Variants in PTPRN2 observed in about 807,000 individuals in gnomAD.
PTPRN2 encodes receptor-type tyrosine-protein phosphatase N2.
In PTPRN2, 74 loss-of-function variants were observed where a neutral mutation model predicts 118.8. That is an observed-to-expected ratio of 0.62 (90% CI 0.52 to 0.76). The LOEUF is 0.76. PTPRN2 is among the 30% of genes least tolerant of loss of function. The pLI is 0.00. For synonymous variants in PTPRN2, 641 were observed against 608.0 expected, an observed-to-expected ratio of 1.05 and a Z score of -0.80; for missense variants, 1,481 against 1,394.4, an observed-to-expected ratio of 1.06 and a Z score of -0.99.
chr7:158,158,589 T>G lies in PTPRN2; in HGVS notation c.910+8342A>C, dbSNP rs5022126. Among the ~76,000 whole-genome samples, 343 of 132,274 alleles carry G rather than the reference T, an allele frequency of 2.6e-3. 66 individuals are homozygous for G. The highest frequency in any genetic ancestry group is 3.1e-3 in the African/African-American group (108 of 34,926). The allele number at this position is 132,274 out of a possible 152,430, so 86.8% of individuals were successfully genotyped here. A position where few individuals can be genotyped will look rare whatever the true frequency, so the allele number is the denominator to read the frequency against. ...GTGTGATTGGCCGGGACTTCGCAAG[T>G]GCTTTCTGAATGAATGAGTGAACTC... On this transcript the variant is annotated intron_variant, in intron 6 of 22. Coordinates refer to ENST00000389418, the MANE Select transcript of PTPRN2 (RefSeq NM_002847.5).
intron 16 of PTPRN2, among the ~76,000 whole-genome samples, chr7:157,602,488 A>G (rs1426533137): frequency 1.3e-5 from 2 of 151,330 alleles, no homozygotes; most frequent in African/African-American, 4.9e-5. Flanking sequence ...GTCTGCCATC[A>G]GTGGCCGCCG....
chr7:158,244,905 G>A (rs1428303814), intron 3 of PTPRN2, among the ~76,000 whole-genome samples: 1 of 152,182 alleles, frequency 6.6e-6, no homozygotes, highest in Non-Finnish European at 1.5e-5. Context: ...GTGTCTCCCA[G>A]TGTGACAGAG....
intron 11 of PTPRN2, among the ~76,000 whole-genome samples, chr7:157,966,468 T>C (rs1801937577): frequency 6.6e-6 from 1 of 152,080 alleles, no homozygotes; most frequent in Non-Finnish European, 1.5e-5. Context: ...ATCACCATCA[T>C]CATCTTTATC....
chr7:158,235,805 T>C (rs1220749532), intron 3 of PTPRN2, among the ~76,000 whole-genome samples: 2 of 152,192 alleles, frequency 1.3e-5, no homozygotes, highest in African/African-American at 4.8e-5. Context: ...CCTGATTTGA[T>C]CTTTACAAAT....
intron 6 of PTPRN2, among the ~76,000 whole-genome samples, chr7:158,155,242 G>A (rs1247517243): frequency 1.3e-5 from 2 of 152,108 alleles, no homozygotes; most frequent in African/African-American, 4.8e-5. Context: ...GTCATTGTAG[G>A]GCCTTCCAAA....
intron 12 of PTPRN2, among the ~76,000 whole-genome samples, chr7:157,725,352 C>T (rs1335740891): frequency 2.2e-5 from 1 of 45,540 alleles, no homozygotes; most frequent in African/African-American, 1.2e-4. Flanking sequence ...GATATCTACA[C>T]ACAGAGGAGT....
chr7:157,851,379 T>C (rs1584866851), intron 12 of PTPRN2, among the ~76,000 whole-genome samples: 4 of 142,912 alleles, frequency 2.8e-5, no homozygotes, highest in Admixed American at 1.3e-4. Context: ...AAAAATGCGC[T>C]TTCTTTAATA....
intron 10 of PTPRN2, among the ~76,000 whole-genome samples, chr7:158,084,278 C>T (rs1464367644): frequency 3.4e-5 from 5 of 149,024 alleles, no homozygotes; most frequent in Non-Finnish European, 6.0e-5. Flanking sequence ...CCCCACCCAC[C>T]ACCCCCCACC....
intron 2 of PTPRN2, among the ~76,000 whole-genome samples, chr7:158,471,569 T>C (rs1352438820): frequency 6.6e-6 from 1 of 152,092 alleles, no homozygotes. Context: ...GTGCCTGTAG[T>C]CCCAGCTACT....
At chr7:157,667,274 C>T (rs530406524) in intron 13 of PTPRN2, among the ~76,000 whole-genome samples, 28 of 134,116 alleles carry the variant, frequency 2.1e-4, no homozygotes, top group Admixed American at 6.2e-4. Flanking sequence ...CTTGCACACT[C>T]GGCCCGTGGG....
At chr7:157,775,689 C>G (rs1443674267) in intron 12 of PTPRN2, among the ~76,000 whole-genome samples, 1 of 152,168 alleles carries the variant, frequency 6.6e-6, no homozygotes, top group Non-Finnish European at 1.5e-5. Context: ...AAGGGCAGGA[C>G]GGAGCCTGGA....
At chr7:157,864,860 C>G (rs1394403512) in intron 12 of PTPRN2, 1 of 152,276 alleles carries the variant, frequency 6.6e-6, no homozygotes, top group Non-Finnish European at 1.5e-5. Flanking sequence ...TCCTCTGTGC[C>G]TGAACCTGCA....
chr7:158,046,581 C>T (rs1808895555), intron 11 of PTPRN2, among the ~76,000 whole-genome samples: 1 of 152,208 alleles, frequency 6.6e-6, no homozygotes, highest in Admixed American at 6.5e-5. Context: ...TCCACCATGA[C>T]CTGAGGCCCA....
intron 2 of PTPRN2, among the ~76,000 whole-genome samples, chr7:158,325,143 C>T (rs1303116262): frequency 7.8e-6 from 1 of 128,876 alleles, no homozygotes; most frequent in Non-Finnish European, 1.7e-5. Flanking sequence ...CCACAATTCT[C>T]CACAGAGATC....
chr7:157,640,245 A>G (rs1417759442), intron 14 of PTPRN2, among the ~76,000 whole-genome samples: 1 of 152,246 alleles, frequency 6.6e-6, no homozygotes, highest in East Asian at 1.9e-4. Context: ...CTGAAAAAGA[A>G]CAAAATAGAA....
chr7:157,982,126 CAG>C (rs1291656497), intron 11 of PTPRN2, among the ~76,000 whole-genome samples: 2 of 121,038 alleles, frequency 1.7e-5, no homozygotes, highest in South Asian at 2.5e-4. Flanking sequence ...GAGGGGAATG[CAG>C]AGTGCAGCGT....
chr7:158,307,396 G>A (rs531269786), intron 3 of PTPRN2, among the ~76,000 whole-genome samples: 180 of 151,862 alleles, frequency 1.2e-3, no homozygotes, highest in African/African-American at 4.1e-3. Context: ...TCCAGTCTGA[G>A]GAACAGAAAA....
intron 11 of PTPRN2, among the ~76,000 whole-genome samples, chr7:157,919,304 G>A (rs1386505991): frequency 9.9e-5 from 15 of 152,110 alleles, no homozygotes; most frequent in Non-Finnish European, 1.5e-5. Context: ...CATCATTTGG[G>A]TATTAAAAAT....
intron 2 of PTPRN2, among the ~76,000 whole-genome samples, chr7:158,394,139 C>A (rs531975212): frequency 6.6e-6 from 1 of 150,702 alleles, no homozygotes; most frequent in East Asian, 2.0e-4. Context: ...CCCACGGACA[C>A]CTCAACCCCT....
Sources: allele counts gnomAD v4.1 joint callset (sites outside exome capture counted in the v4.1 genomes callset), GRCh38; gene constraint gnomAD v4.1.1; transcripts MANE v1.5; gene names NCBI Gene and HGNC (gene_info 2026-07-23, HGNC 2026-07-21).